Variants in SSH1 observed in about 807,000 individuals in gnomAD.
SSH1 encodes the protein slingshot protein phosphatase 1.
In SSH1, 43 loss-of-function variants were observed where a neutral mutation model predicts 79.7. That is an observed-to-expected ratio of 0.54 (90% CI 0.42 to 0.70). The LOEUF is 0.70. SSH1 is among the 30% of genes least tolerant of loss of function. The pLI, the probability that SSH1 is intolerant of heterozygous loss-of-function variation, is 0.00. For synonymous variants in SSH1, 599 were observed against 538.3 expected (o/e 1.11, Z -1.56); for missense variants, 1,206 against 1,358.8 (o/e 0.89, Z 1.77).
chr12:108,817,088 C>A lies in SSH1; in HGVS notation c.351G>T (p.Gln117His). 1.2e-6 allele frequency: 2 copies of A among 1,614,248 alleles called. No homozygotes were observed. The highest frequency in any genetic ancestry group is 1.7e-6 in the Non-Finnish European group (2 of 1,180,042). ...CCAGCAAGATATTCTCCTCGGTGTC[C>A]TGGCGCCCGCTGCTGTACACCACCA... ...YMVVVYSSGR[Q>H]DTEENILLGV... Residue 117 changes from glutamine (Q) to histidine (H), a missense_variant, in exon 5 of 15, where the codon CAG (glutamine) becomes CAT (histidine). Gln to His is a conservative substitution (Grantham distance 24). Around this residue, in one of 5 missense-constraint regions of SSH1, gnomAD observed 115 missense variants for 173.9 expected, o/e 0.66. Coordinates refer to ENST00000326495, the MANE Select transcript of SSH1 (RefSeq NM_018984.4).
Position 108,786,263 on chromosome 12 carries a change from T to C in SSH1, c.*1725A>G, listed in dbSNP as rs528952351. ...GGACCCAGCTGAGGGCAAGATGGAA[T>C]TGTGGAAGAGCTTCAGCCAACTGTG... On this transcript the variant is annotated 3_prime_UTR_variant, in exon 15 of 15. Coordinates refer to ENST00000326495, the MANE Select transcript of SSH1 (RefSeq NM_018984.4). The C allele has an allele frequency of 6.6e-6, 1 of 152,266 alleles. No homozygotes were observed. The highest frequency in any genetic ancestry group is 1.5e-5 in the Non-Finnish European group (1 of 68,064). 9.4% of individuals were successfully genotyped at this position (152,266 alleles called of 1,614,324 possible).
rs530014721 is a variant in SSH1 at position 108,794,393 on chromosome 12, G to A, written c.1350-1564C>T. Among the ~76,000 whole-genome samples, 247 of 152,178 alleles carry A rather than the reference G, an allele frequency of 1.6e-3. 2 individuals carry two copies. The highest frequency in any genetic ancestry group is 2.6e-3 in the Non-Finnish European group (179 of 68,026). ...TGACTCAGAGGCTGAGTGAGGGGCC[G>A]CGGTGTACCTCTCCCTCCTGCCGCC... is the stretch of plus-strand genomic sequence containing the variant. On this transcript the variant is annotated intron_variant, in intron 13 of 14. Coordinates refer to ENST00000326495, the MANE Select transcript of SSH1 (RefSeq NM_018984.4).
At chr12:108,841,805 C>G (rs572269029) in intron 2 of SSH1, among the ~76,000 whole-genome samples, 1 of 146,576 alleles carries the variant, frequency 6.8e-6, no homozygotes, top group South Asian at 2.2e-4. Flanking sequence ...AAGTCTCCAT[C>G]CCCCCCCACA....
chr12:108,815,330 T>C (rs958684014), intron 5 of SSH1, among the ~76,000 whole-genome samples: 2 of 152,112 alleles, frequency 1.3e-5, no homozygotes, highest in African/African-American at 4.8e-5. Flanking sequence ...CACAGAGGCA[T>C]TTTGTAGGTG....
intron 4 of SSH1, 131 bp from the exon 5 acceptor site, chr12:108,817,290 T>C: frequency 1.4e-6 from 2 of 1,399,926 alleles, no homozygotes; most frequent in Non-Finnish European, 2.0e-6. Flanking sequence ...GAGAAAATTC[T>C]TGGCTGGGCA....
chr12:108,793,773 C>T (rs2036617551), intron 13 of SSH1, among the ~76,000 whole-genome samples: 1 of 152,122 alleles, frequency 6.6e-6, no homozygotes, highest in South Asian at 2.1e-4. Flanking sequence ...CCCTCAAGGA[C>T]CTTAAAGTAA....
Position 108,788,825 on chromosome 12 carries a change from C to G in SSH1, c.2313G>C (p.Val771=), listed in dbSNP as rs201700339. 9 of 1,614,114 alleles carry G rather than the reference C, an allele frequency of 5.6e-6. No individual in the cohort carries two copies. Among genetic ancestry groups the G allele is most frequent in the Non-Finnish European group, 7.6e-6 (9 of 1,180,056 alleles). ...TGGGTGACGATTCTTCCTTTATTACCACTTCTGTGCTGGGAGGGTTCTTAT... is the reference window on the plus strand; with the variant it reads ...TGGGTGACGATTCTTCCTTTATTACGACTTCTGTGCTGGGAGGGTTCTTAT... The part of the protein sequence containing the change: ...HCDKNPPSTE[V]VIKEESSPKK... Residue 771 remains valine (V), a synonymous_variant, in exon 15 of 15, where the codon GTG becomes GTC. Transcript: ENST00000326495.
rs963184350 is a variant in SSH1 at position 108,794,871 on chromosome 12, G to A, written c.1350-2042C>T. 4.6e-5 allele frequency among the ~76,000 whole-genome samples: 7 copies of A among 152,020 alleles called. No individual in the cohort carries two copies. In the East Asian group the frequency reaches 1.4e-3, roughly 29 times the overall value. On this transcript the variant is annotated intron_variant, in intron 13 of 14. Coordinates refer to ENST00000326495, the MANE Select transcript of SSH1 (RefSeq NM_018984.4). ...TCTTCATAGATTGTGGGGGGTGGGTGGGAAGGAAGACACAGGACAGAACTC... is the reference window on the plus strand; with the variant it reads ...TCTTCATAGATTGTGGGGGGTGGGTAGGAAGGAAGACACAGGACAGAACTC...
rs977832040 is a variant in SSH1, at chr12:108,785,528, T to A, written c.*2460A>T. On this transcript the variant is annotated 3_prime_UTR_variant, in exon 15 of 15. Transcript: ENST00000326495. ...TTTCTCCAGGCCAGGCTATTAAGCATCAAGTCCAGAATGCTTCACTCTGCT... is the reference window on the plus strand; with the variant it reads ...TTTCTCCAGGCCAGGCTATTAAGCAACAAGTCCAGAATGCTTCACTCTGCT... The A allele has an allele frequency of 6.6e-6, 1 of 152,182 alleles. No individual in the cohort carries two copies. The highest frequency in any genetic ancestry group is 1.5e-5 in the Non-Finnish European group (1 of 68,038). The allele number at this position is 152,182 out of a possible 1,614,324, so 9.4% of individuals were successfully genotyped here. A position where few individuals can be genotyped will look rare whatever the true frequency, so the allele number is the denominator to read the frequency against.
intron 5 of SSH1, among the ~76,000 whole-genome samples, chr12:108,813,418 G>A (rs974820508): frequency 8.6e-5 from 13 of 151,866 alleles, no homozygotes; most frequent in South Asian, 2.1e-4. Flanking sequence ...AATCCGAATC[G>A]AAAACATAAT....
intron 1 of SSH1, among the ~76,000 whole-genome samples, chr12:108,854,951 C>T (rs1429441946): frequency 3.3e-5 from 5 of 152,220 alleles, no homozygotes; most frequent in Non-Finnish European, 7.3e-5. Context: ...GGAAACATCC[C>T]AGCGCATTCA....
At chr12:108,819,527 T>C (rs992615967) in intron 3 of SSH1, among the ~76,000 whole-genome samples, 1 of 152,298 alleles carries the variant, frequency 6.6e-6, no homozygotes, top group Admixed American at 6.5e-5. Context: ...GAAAGGGTCA[T>C]CTGTAGAGAT....
chr12:108,816,227 T>G (rs1010568689), intron 5 of SSH1, among the ~76,000 whole-genome samples: 13 of 152,218 alleles, frequency 8.5e-5, no homozygotes, highest in African/African-American at 3.1e-4. Flanking sequence ...CTGTCTTCCA[T>G]GCTCACTTAG....
At chr12:108,854,892 C>T (rs1410626104) in intron 1 of SSH1, among the ~76,000 whole-genome samples, 1 of 152,204 alleles carries the variant, frequency 6.6e-6, no homozygotes, top group Non-Finnish European at 1.5e-5. Flanking sequence ...CTGTCTCCAT[C>T]CCACCTTGCT....
Position 108,787,086 on chromosome 12 carries a change from T to C in SSH1, c.*902A>G, listed in dbSNP as rs1396262889. The C allele has an allele frequency of 2.0e-5, 3 of 152,228 alleles. No homozygotes were observed. The highest frequency in any genetic ancestry group is 1.3e-4 in the Admixed American group (2 of 15,272). 9.4% of individuals were successfully genotyped at this position (152,228 alleles called of 1,614,324 possible). On this transcript the variant is annotated 3_prime_UTR_variant, in exon 15 of 15. Transcript: ENST00000326495. ...CCCTAGTGGACCTAAGCATCTGGGC[T>C]CTCAGCAGGACGATGTGTCTCAGAA...
At chr12:108,804,991 T>G in intron 10 of SSH1, 65 bp downstream of exon 10, 1 of 1,593,960 alleles carries the variant, frequency 6.3e-7, no homozygotes, top group Non-Finnish European at 8.6e-7. Flanking sequence ...TGCTACAAAC[T>G]CTTAAACAAC....
intron 5 of SSH1, among the ~76,000 whole-genome samples, chr12:108,816,227 TGCTCA>T (rs1403716217): frequency 1.3e-5 from 2 of 152,218 alleles, no homozygotes; most frequent in African/African-American, 4.8e-5. Flanking sequence ...CTGTCTTCCA[TGCTCA>T]CTTAGAAGCT....
At chr12:108,841,496 A>G (rs532580536) in intron 2 of SSH1, among the ~76,000 whole-genome samples, 1 of 152,276 alleles carries the variant, frequency 6.6e-6, no homozygotes, top group Non-Finnish European at 1.5e-5. Flanking sequence ...CCATTCTAGA[A>G]TGAGTTTTCT....
intron 14 of SSH1, among the ~76,000 whole-genome samples, chr12:108,790,180 C>T (rs538658308): frequency 6.7e-6 from 1 of 149,900 alleles, no homozygotes; most frequent in African/African-American, 2.4e-5. Flanking sequence ...AATGAAGTTT[C>T]GCTCTTGTTG....
Sources: gnomAD v4.1 joint callset for allele counts (sites outside exome capture counted in the v4.1 genomes callset) on GRCh38, gnomAD v4.1.1 for gene constraint, gnomAD v4.1.1 regional missense constraint, MANE v1.5 for transcripts, NCBI Gene and HGNC (gene_info 2026-07-23, HGNC 2026-07-21) for gene names.